SLC41A2: variants seen among roughly 807,000 people sequenced by gnomAD.
SLC41A2 encodes the protein solute carrier family 41 member 2.
In SLC41A2, 32 loss-of-function variants were observed where a neutral mutation model predicts 58.3. The observed-to-expected ratio is 0.55, with a 90% CI of 0.41 to 0.74. SLC41A2 has a LOEUF of 0.74. Among genes scored for constraint, SLC41A2 ranks in the 30% least tolerant of loss-of-function variants. The probability of loss-of-function intolerance (pLI) is 0.00; values close to 1 mark genes in which losing one functional copy is unlikely to be tolerated. For synonymous variants in SLC41A2, 190 were observed against 235.0 expected (o/e 0.81, Z 1.75); for missense variants, 514 against 680.6 (o/e 0.76, Z 2.72).
At position 104,814,487 on chromosome 12, in the gene SLC41A2, T is replaced by C. The variant is rs543571563; in HGVS notation, c.1537-9150A>G. On this transcript the variant is annotated intron_variant, in intron 10 of 10. Coordinates refer to ENST00000258538, the MANE Select transcript of SLC41A2 (RefSeq NM_001352171.3). ...GTCAATCCCCGAAAGAAGAAAACCA[T>C]GTCTTCTTTCTGTTTGATCCCTTGG... is the stretch of plus-strand genomic sequence containing the variant. 2.0e-5 allele frequency among the ~76,000 whole-genome samples: 3 copies of C among 152,298 alleles called. No individual in the cohort carries two copies. The South Asian group carries it at 6.2e-4, about 32-fold the overall frequency.
chr12:104,812,199 T>C (rs2041204060), intron 10 of SLC41A2, among the ~76,000 whole-genome samples: 1 of 152,158 alleles, frequency 6.6e-6, no homozygotes, highest in Non-Finnish European at 1.5e-5. Context: ...CCCATGTCCT[T>C]TAATAGTAAA....
At chr12:104,875,183 T>C (rs2043987048) in intron 6 of SLC41A2, among the ~76,000 whole-genome samples, 1 of 152,252 alleles carries the variant, frequency 6.6e-6, no homozygotes, top group Non-Finnish European at 1.5e-5. Context: ...TAATATTCTT[T>C]ATGTATTGTT....
At chr12:104,849,824 T>C (rs1219566250) in intron 8 of SLC41A2, among the ~76,000 whole-genome samples, 2 of 152,176 alleles carry the variant, frequency 1.3e-5, no homozygotes, top group Admixed American at 6.5e-5. Context: ...TAAGACCCTA[T>C]CTTTAGTAAG....
At chr12:104,896,324 C>T (rs1394116339) in intron 3 of SLC41A2, among the ~76,000 whole-genome samples, 1 of 152,158 alleles carries the variant, frequency 6.6e-6, no homozygotes. Flanking sequence ...AAGCATCCAG[C>T]AAATGCAAAT....
At chr12:104,950,524 G>A (rs1291619174) in intron 1 of SLC41A2, among the ~76,000 whole-genome samples, 1 of 152,052 alleles carries the variant, frequency 6.6e-6, no homozygotes, top group Non-Finnish European at 1.5e-5. Context: ...GCCAGTCTTG[G>A]GTATTTCTTT....
At chr12:104,930,187 A>G (rs1224674526) in intron 1 of SLC41A2, among the ~76,000 whole-genome samples, 2 of 140,502 alleles carry the variant, frequency 1.4e-5, no homozygotes, top group Admixed American at 1.4e-4. Context: ...ATTATGGTGC[A>G]GACTTCCTGT....
rs569197644 is a variant in SLC41A2, at chr12:104,853,062, G to C, written c.1256-7088C>G. Among the ~76,000 whole-genome samples, 10 of 152,292 alleles carry C rather than the reference G, an allele frequency of 6.6e-5. 1 individual carries two copies. The East Asian group carries it at 1.7e-3, about 26-fold the overall frequency. On this transcript the variant is annotated intron_variant, in intron 8 of 10. Transcript: ENST00000258538. Reference sequence around the variant, plus strand: ...ATGTGAGATTCCTCAGTATCCACAAGACAGAATTTTAAGTGCCTAATGCTT... The same window carrying C: ...ATGTGAGATTCCTCAGTATCCACAACACAGAATTTTAAGTGCCTAATGCTT...
intron 10 of SLC41A2, 116 bp downstream of exon 10, chr12:104,844,356 A>G: frequency 1.7e-6 from 1 of 594,708 alleles, no homozygotes; most frequent in South Asian, 5.4e-5. Context: ...ATCAATATGA[A>G]GATGTTCAGT....
chr12:104,807,283 T>C (rs2040956361), intron 10 of SLC41A2, among the ~76,000 whole-genome samples: 2 of 152,246 alleles, frequency 1.3e-5, no homozygotes. Flanking sequence ...CTTCTACATA[T>C]GGCTAGCCAG....
intron 10 of SLC41A2, among the ~76,000 whole-genome samples, chr12:104,810,824 C>T (rs566661360): frequency 1.1e-4 from 16 of 152,246 alleles, no homozygotes; most frequent in Admixed American, 3.3e-4. Flanking sequence ...AGAAACCTGC[C>T]CACGATCACA....
intron 2 of SLC41A2, among the ~76,000 whole-genome samples, chr12:104,910,373 T>C (rs2046029620): frequency 6.6e-6 from 1 of 152,194 alleles, no homozygotes; most frequent in African/African-American, 2.4e-5. Context: ...CTTCTAGCCA[T>C]GGATCTGTCA....
chr12:104,923,641 C>T (rs894583114), intron 2 of SLC41A2, among the ~76,000 whole-genome samples: 1 of 152,014 alleles, frequency 6.6e-6, no homozygotes, highest in African/African-American at 2.4e-5. Flanking sequence ...GGATTCATAA[C>T]AACTGAGACC....
intron 6 of SLC41A2, among the ~76,000 whole-genome samples, chr12:104,881,015 G>T (rs1463751566): frequency 6.6e-6 from 1 of 152,112 alleles, no homozygotes; most frequent in Non-Finnish European, 1.5e-5. Context: ...TCTATTCAGG[G>T]ATTCAACTTC....
At chr12:104,901,527 T>C (rs2045560195) in intron 3 of SLC41A2, among the ~76,000 whole-genome samples, 1 of 152,040 alleles carries the variant, frequency 6.6e-6, no homozygotes, top group African/African-American at 2.4e-5. Flanking sequence ...CTTGTAAAAA[T>C]AGGAAACCTA....
At chr12:104,908,086 G>T (rs2135771871) in intron 3 of SLC41A2, among the ~76,000 whole-genome samples, 1 of 152,186 alleles carries the variant, frequency 6.6e-6, no homozygotes. Flanking sequence ...CCAACATGGT[G>T]AAACCCCGTC....
At chr12:104,839,511 C>CTT (rs371105065) in intron 10 of SLC41A2, among the ~76,000 whole-genome samples, 7 of 132,452 alleles carry the variant, frequency 5.3e-5, no homozygotes, top group Admixed American at 1.5e-4. Context: ...TTTTTTTTTT[C>CTT]TTTTTTTTTT....
At chr12:104,880,130 G>C (rs999979435) in intron 6 of SLC41A2, among the ~76,000 whole-genome samples, 3 of 152,148 alleles carry the variant, frequency 2.0e-5, no homozygotes, top group African/African-American at 7.2e-5. Flanking sequence ...TGTTATTGGT[G>C]TATAGGGATG....
chr12:104,935,632 G>A (rs2047233459), intron 1 of SLC41A2, among the ~76,000 whole-genome samples: 1 of 152,130 alleles, frequency 6.6e-6, no homozygotes, highest in Non-Finnish European at 1.5e-5. Flanking sequence ...AGGTGCTACA[G>A]GCAAACAACA....
chr12:104,865,067 A>G (rs1202166085), intron 7 of SLC41A2, among the ~76,000 whole-genome samples: 2 of 152,190 alleles, frequency 1.3e-5, no homozygotes, highest in Non-Finnish European at 1.5e-5. Context: ...ATGGAAGACA[A>G]TCAGGTGGGT....
Sources: gnomAD v4.1 joint callset for allele counts (sites outside exome capture counted in the v4.1 genomes callset) on GRCh38, gnomAD v4.1.1 for gene constraint, MANE v1.5 for transcripts, NCBI Gene and HGNC (gene_info 2026-07-23, HGNC 2026-07-21) for gene names.